STYX: variants seen among roughly 807,000 people sequenced by gnomAD.
STYX encodes the protein serine/threonine/tyrosine interacting protein, also known as serine/threonine/tyrosine-interacting protein.
In STYX, 20 loss-of-function variants were observed where a neutral mutation model predicts 42.7. That is an observed-to-expected ratio of 0.47 (90% CI 0.33 to 0.68). The LOEUF is 0.68. Ranked by LOEUF, STYX falls within the 30% of genes least tolerant of loss-of-function variation. The pLI is 0.02. For missense variants in STYX, 226 were observed against 268.5 expected, an observed-to-expected ratio of 0.84 and a Z score of 1.11; for synonymous variants, 78 against 81.9, an observed-to-expected ratio of 0.95 and a Z score of 0.26.
In STYX at chr14:52,771,220, T is replaced by C; in HGVS notation, c.*114T>C. The C allele has an allele frequency of 3.2e-6, 3 of 926,868 alleles. No homozygotes were observed. The South Asian group carries it at 5.6e-5, about 17-fold the overall frequency. 57.4% of individuals were successfully genotyped at this position (926,868 alleles called of 1,614,324 possible). A position where few individuals can be genotyped will look rare whatever the true frequency, so the allele number is the denominator to read the frequency against. ...AGTAGTTTTTTTTTCAATTACATGT[T>C]GCTTCCAGACATACTTCTCTGCAAC... is the stretch of plus-strand genomic sequence containing the variant. On this transcript the variant is annotated 3_prime_UTR_variant, in exon 11 of 11. Coordinates refer to ENST00000354586, the MANE Select transcript of STYX (RefSeq NM_145251.4).
intron 4 of STYX, among the ~76,000 whole-genome samples, chr14:52,754,365 C>T (rs1881765263): frequency 6.6e-6 from 1 of 151,144 alleles, no homozygotes; most frequent in African/African-American, 2.4e-5. Flanking sequence ...GGTGCACCAC[C>T]GGATCGGGCT....
intron 3 of STYX, among the ~76,000 whole-genome samples, chr14:52,749,657 A>G (rs1881532857): frequency 6.6e-6 from 1 of 152,248 alleles, no homozygotes; most frequent in South Asian, 2.1e-4. Context: ...GCTCTAGGTA[A>G]TAAAATAACA....
chr14:52,760,922 T>A (rs1882068411), intron 9 of STYX, among the ~76,000 whole-genome samples: 1 of 152,206 alleles, frequency 6.6e-6, no homozygotes, highest in Admixed American at 6.5e-5. Flanking sequence ...CCCTCAATCA[T>A]TTATCCTTTG....
chr14:52,746,502 C>G, intron 3 of STYX, 23 bp downstream of exon 3: 1 of 1,545,984 alleles, frequency 6.5e-7, no homozygotes, highest in Non-Finnish European at 8.6e-7. Flanking sequence ...TTAGATTCAT[C>G]AAGAGAGACT....
At chr14:52,764,185 G>C (rs1486207483) in intron 9 of STYX, among the ~76,000 whole-genome samples, 3 of 152,048 alleles carry the variant, frequency 2.0e-5, no homozygotes, top group Non-Finnish European at 4.4e-5. Context: ...TAGAGACGGG[G>C]TTTCACCATG....
rs547060026 is a variant in STYX at position 52,740,259 on chromosome 14, C to T, written c.58-4593C>T. ...CCACTGCATTGCACTCCAGCCTAGG[C>T]GACAGAGCGAGACTCCGTCTCAAAA... is the stretch of plus-strand genomic sequence containing the variant. On this transcript the variant is annotated intron_variant, in intron 1 of 10. Coordinates refer to ENST00000354586, the MANE Select transcript of STYX (RefSeq NM_145251.4). Among the ~76,000 whole-genome samples, 220 of 152,072 alleles carry T rather than the reference C, an allele frequency of 1.4e-3. 1 individual carries two copies. The highest frequency in any genetic ancestry group is 5.2e-3 in the African/African-American group (215 of 41,486).
intron 1 of STYX, among the ~76,000 whole-genome samples, chr14:52,741,249 C>A (rs1355563290): frequency 6.8e-6 from 1 of 147,082 alleles, no homozygotes; most frequent in Non-Finnish European, 1.5e-5. Flanking sequence ...TTGGTAAAGC[C>A]TAGGAGTGGA....
Position 52,730,328 on chromosome 14 carries a change from T to A in STYX, c.-147T>A, listed in dbSNP as rs1880639092. 1.3e-6 allele frequency: 1 copy of A among 747,798 alleles called. No individual in the cohort carries two copies. Among genetic ancestry groups the A allele is most frequent in the South Asian group, 1.7e-5 (1 of 60,310 alleles). 46.3% of individuals were successfully genotyped at this position (747,798 alleles called of 1,614,324 possible). A position where few individuals can be genotyped will look rare whatever the true frequency, so the allele number is the denominator to read the frequency against. On this transcript the variant is annotated 5_prime_UTR_variant, in exon 1 of 11. Transcript: ENST00000354586. ...TGCTGGAGTCACTGGGACCCTGTAG[T>A]CTGCGTGTGTTAGTTGTAATCCCGC...
chr14:52,742,044 C>G (rs896166982), intron 1 of STYX, among the ~76,000 whole-genome samples: 2 of 152,082 alleles, frequency 1.3e-5, no homozygotes, highest in East Asian at 3.9e-4. Flanking sequence ...TTTGCTTCTT[C>G]CAGGAATCCA....
At chr14:52,752,320 C>G (rs1277109356) in intron 4 of STYX, among the ~76,000 whole-genome samples, 1 of 151,920 alleles carries the variant, frequency 6.6e-6, no homozygotes, top group Admixed American at 6.6e-5. Context: ...CAAAAATTAT[C>G]TGGGCGTGGT....
chr14:52,756,674 GCTTTT>G, intron 5 of STYX, 63 bp downstream of exon 5: 7 of 195,898 alleles, frequency 3.6e-5, no homozygotes, highest in Non-Finnish European at 4.6e-5. Context: ...TCTTAGTTGT[GCTTTT>G]TTTTTTTTTT....
chr14:52,746,334 T>A, intron 2 of STYX, 92 bp from the exon 3 acceptor site: 1 of 893,862 alleles, frequency 1.1e-6, no homozygotes, highest in Non-Finnish European at 1.7e-6. Context: ...CTTGTGCTGC[T>A]TTTGATTTGG....
chr14:52,744,965 C>A, intron 2 of STYX, 81 bp downstream of exon 2: 1 of 1,221,214 alleles, frequency 8.2e-7, no homozygotes, highest in Non-Finnish European at 1.2e-6. Flanking sequence ...TTGAGACCTG[C>A]TGATTTCATG....
chr14:52,734,630 C>T (rs1326848280), intron 1 of STYX, among the ~76,000 whole-genome samples: 2 of 152,122 alleles, frequency 1.3e-5, no homozygotes, highest in African/African-American at 2.4e-5. Flanking sequence ...ATCACAGGGA[C>T]AGAGGTAATG....
At chr14:52,744,786 C>T in intron 1 of STYX, 66 bp from the exon 2 acceptor site, 1 of 1,467,434 alleles carries the variant, frequency 6.8e-7, no homozygotes, top group South Asian at 1.2e-5. Flanking sequence ...TGTGTCACAT[C>T]TTTAGCCTTT....
chr14:52,759,441 C>G (rs1882006626), intron 8 of STYX, among the ~76,000 whole-genome samples: 1 of 152,144 alleles, frequency 6.6e-6, no homozygotes, highest in Non-Finnish European at 1.5e-5. Context: ...ACCTCCTATT[C>G]ATAGTAGTTC....
chr14:52,756,552 T>A lies in STYX; in HGVS notation c.244T>A (p.Tyr82Asn). ...TATCACAAAATACTCTATTTTCAGA[T>A]ATTTAGTCCTGGATATTGCAGATAA... ...IKPNFQQLFR[Y>N]LVLDIADNPV... Residue 82 changes from tyrosine (Y) to asparagine (N), a missense_variant and splice_region_variant, in exon 5 of 11, where the codon TAT becomes AAT. Transcript: ENST00000354586. 6.6e-7 allele frequency: 1 copy of A among 1,517,244 alleles called. No individual in the cohort carries two copies. The highest frequency in any genetic ancestry group is 9.0e-7 in the Non-Finnish European group (1 of 1,112,392). The allele number at this position is 1,517,244 out of a possible 1,614,324, so 94.0% of individuals were successfully genotyped here.
chr14:52,741,230 A>ATTTT (rs61593961), intron 1 of STYX, among the ~76,000 whole-genome samples: 6 of 140,310 alleles, frequency 4.3e-5, no homozygotes, highest in East Asian at 2.0e-4. Context: ...ATATATATAT[A>ATTTT]TTTTTTTTTT....
At chr14:52,759,603 CT>C (rs1882014140) in intron 8 of STYX, 78 bp from the exon 9 acceptor site, 1 of 940,456 alleles carries the variant, frequency 1.1e-6, no homozygotes, top group Non-Finnish European at 1.7e-6. Flanking sequence ...CTCATTACCC[CT>C]CTCTATTGCT....
Sources: allele counts gnomAD v4.1 joint callset (sites outside exome capture counted in the v4.1 genomes callset), GRCh38; gene constraint gnomAD v4.1.1; transcripts MANE v1.5; gene names NCBI Gene and HGNC (gene_info 2026-07-23, HGNC 2026-07-21).